The following CPE variants were observed in gnomAD, a reference collection of about 807,000 sequenced individuals.
CPE encodes carbocypeptidase E.
Under a neutral mutation model 53.5 loss-of-function variants are expected in CPE, and 17 were observed. The ratio of observed to expected loss-of-function variants is 0.32; its 90% CI spans 0.22 to 0.48. The LOEUF (loss-of-function observed/expected upper bound fraction) is 0.48. Among genes scored for constraint, CPE ranks in the 20% least tolerant of loss-of-function variants. CPE has a pLI of 0.99. For synonymous variants in CPE, 226 were observed against 228.8 expected, an observed-to-expected ratio of 0.99 and a Z score of 0.11; for missense variants, 524 against 614.7, an observed-to-expected ratio of 0.85 and a Z score of 1.56.
At chr4:165,459,914 C>CA (rs10718543) in intron 1 of CPE, among the ~76,000 whole-genome samples, 87 of 78,684 alleles carry the variant, frequency 1.1e-3, no homozygotes, top group South Asian at 2.2e-3. Flanking sequence ...GACTCTGTCT[C>CA]AAAAAAAAAA....
At chr4:165,385,439 T>C (rs1490429385) in intron 1 of CPE, among the ~76,000 whole-genome samples, 4 of 126,888 alleles carry the variant, frequency 3.2e-5, no homozygotes, top group Admixed American at 8.6e-5. Flanking sequence ...TTCACAAATG[T>C]TTGCTTTTTT....
chr4:165,487,718 T>A, intron 6 of CPE, 141 bp downstream of exon 6: 1 of 940,934 alleles, frequency 1.1e-6, no homozygotes, highest in Non-Finnish European at 1.6e-6. Flanking sequence ...GTCAGCAGTG[T>A]TTCAGTTAGG....
intron 2 of CPE, among the ~76,000 whole-genome samples, chr4:165,465,239 A>G (rs1732076373): frequency 1.3e-5 from 2 of 152,268 alleles, no homozygotes; most frequent in South Asian, 4.1e-4. Context: ...AGTTTAAAAT[A>G]ATTTTCTTAG....
intron 1 of CPE, among the ~76,000 whole-genome samples, chr4:165,412,825 T>A (rs1263957678): frequency 1.3e-5 from 2 of 152,260 alleles, no homozygotes; most frequent in East Asian, 3.8e-4. Context: ...ACCTCTTCAA[T>A]GCTTCAGTCA....
chr4:165,443,333 T>C (rs575664094), intron 1 of CPE, among the ~76,000 whole-genome samples: 34 of 152,364 alleles, frequency 2.2e-4, no homozygotes, highest in African/African-American at 7.0e-4. Context: ...ATTTATTAAA[T>C]GCCAGCCACT....
chr4:165,400,522 T>C (rs1391474207), intron 1 of CPE, among the ~76,000 whole-genome samples: 1 of 152,218 alleles, frequency 6.6e-6, no homozygotes, highest in East Asian at 1.9e-4. Context: ...AAGCAGAGGA[T>C]ACAGTAAAGG....
At position 165,379,590 on chromosome 4, in the gene CPE, A is replaced by C; in HGVS notation, c.307+62A>C. 9.2e-7 allele frequency: 1 copy of C among 1,090,736 alleles called. No homozygotes were observed. The highest frequency in any genetic ancestry group is 1.2e-6 in the Non-Finnish European group (1 of 827,224). The allele number at this position is 1,090,736 out of a possible 1,614,324, so 67.6% of individuals were successfully genotyped here. On this transcript the variant is annotated intron_variant, in intron 1 of 8. Transcript: ENST00000402744. The surrounding 1 kb of genome is among the most constrained non-coding windows in gnomAD (Gnocchi z 6.0). ...CCGGAGGGGGGCGGCAGAGGGTGGGACTGGTGGCGGTGGGGGAAGGAGGGA... is the reference window on the plus strand; with the variant it reads ...CCGGAGGGGGGCGGCAGAGGGTGGGCCTGGTGGCGGTGGGGGAAGGAGGGA...
intron 3 of CPE, among the ~76,000 whole-genome samples, chr4:165,477,633 A>G (rs1167377307): frequency 6.6e-6 from 1 of 152,094 alleles, no homozygotes; most frequent in Non-Finnish European, 1.5e-5. Flanking sequence ...AGGTTCTTAA[A>G]TGTCAAGATT....
intron 1 of CPE, among the ~76,000 whole-genome samples, chr4:165,451,111 A>G (rs1326703393): frequency 6.6e-6 from 1 of 152,204 alleles, no homozygotes; most frequent in African/African-American, 2.4e-5. Flanking sequence ...CCGAATTGGA[A>G]TCTGCATTTT....
chr4:165,405,381 C>T (rs187456113), intron 1 of CPE: 14 of 1,202,836 alleles, frequency 1.2e-5, no homozygotes, highest in African/African-American at 1.0e-4. Context: ...GCAAGCTCTC[C>T]GAATTTCTGA....
chr4:165,476,329 C>T (rs1327521826), intron 3 of CPE, among the ~76,000 whole-genome samples: 2 of 152,078 alleles, frequency 1.3e-5, no homozygotes, highest in Non-Finnish European at 2.9e-5. Context: ...CTGATTCTTC[C>T]CTTGGGGTGG....
chr4:165,423,489 A>G (rs531307635), intron 1 of CPE, among the ~76,000 whole-genome samples: 2 of 152,074 alleles, frequency 1.3e-5, no homozygotes, highest in South Asian at 4.1e-4. Context: ...ATAAATTTAT[A>G]AAATTTACAA....
intron 1 of CPE, among the ~76,000 whole-genome samples, chr4:165,447,297 G>A (rs1731731846): frequency 6.6e-6 from 1 of 152,162 alleles, no homozygotes; most frequent in African/African-American, 2.4e-5. Context: ...ATGGCCAGGA[G>A]TGGTGGCTCA....
chr4:165,404,286 C>T, intron 1 of CPE: 1 of 770,142 alleles, frequency 1.3e-6, no homozygotes, highest in East Asian at 2.4e-5. Context: ...AAGATCCCCT[C>T]TTGCGGGCAC....
rs149106120 is a variant in CPE, at chr4:165,474,179, C to G, written c.672+6324C>G. Among the ~76,000 whole-genome samples the G allele has an allele frequency of 2.0e-5, 3 of 152,294 alleles. No individual in the cohort carries two copies. In the East Asian group the frequency reaches 5.8e-4, roughly 29 times the overall value. Reference sequence around the variant, plus strand: ...CATTCCTCTTGTTTCTGCATTTTTCCTTCTCCTTATCTCTATCCTCCTTAT... The same window carrying G: ...CATTCCTCTTGTTTCTGCATTTTTCGTTCTCCTTATCTCTATCCTCCTTAT... On this transcript the variant is annotated intron_variant, in intron 3 of 8. Coordinates refer to ENST00000402744, the MANE Select transcript of CPE (RefSeq NM_001873.4).
chr4:165,440,879 C>T (rs555660878), intron 1 of CPE, among the ~76,000 whole-genome samples: 3 of 152,020 alleles, frequency 2.0e-5, no homozygotes, highest in Non-Finnish European at 2.9e-5. Context: ...CTTTCATGTG[C>T]AGCATTAGCA....
intron 1 of CPE, among the ~76,000 whole-genome samples, chr4:165,401,953 T>A (rs911366440): frequency 1.3e-5 from 2 of 152,058 alleles, no homozygotes; most frequent in Non-Finnish European, 2.9e-5. Context: ...CTGGCATAAT[T>A]TGATGAGGAC....
At position 165,450,519 on chromosome 4, in the gene CPE, T is replaced by A. The variant is rs760841541; in HGVS notation, c.308-13871T>A. On this transcript the variant is annotated intron_variant, in intron 1 of 8. Coordinates refer to ENST00000402744, the MANE Select transcript of CPE (RefSeq NM_001873.4). Reference sequence around the variant, plus strand: ...CATAAACAAAATATGATAGTGCATATCCTATAAGATCCATGATTACTCATA... The same window carrying A: ...CATAAACAAAATATGATAGTGCATAACCTATAAGATCCATGATTACTCATA... Among the ~76,000 whole-genome samples, 6 of 152,292 alleles carry A rather than the reference T, an allele frequency of 3.9e-5. No homozygotes were observed. The East Asian group carries it at 1.2e-3, about 29-fold the overall frequency.
chr4:165,453,538 C>T (rs2126693626), intron 1 of CPE, among the ~76,000 whole-genome samples: 1 of 152,200 alleles, frequency 6.6e-6, no homozygotes, highest in Admixed American at 6.5e-5. Flanking sequence ...GCTTGCACCA[C>T]CATGCCCAGC....
Sources: allele counts gnomAD v4.1 joint callset (sites outside exome capture counted in the v4.1 genomes callset), GRCh38; gene constraint gnomAD v4.1.1; non-coding constraint Gnocchi (gnomAD v3.1); transcripts MANE v1.5; gene names NCBI Gene and HGNC (gene_info 2026-07-23, HGNC 2026-07-21).